The following WDPCP variants were observed in gnomAD, a reference collection of about 807,000 sequenced individuals.
WDPCP encodes the protein WD repeat containing planar cell polarity effector, also known as WD repeat-containing and planar cell polarity effector protein fritz homolog.
WDPCP carries 71 observed loss-of-function variants against 93.1 expected under a neutral mutation model. The observed-to-expected ratio is 0.76, with a 90% CI of 0.63 to 0.93. The LOEUF (loss-of-function observed/expected upper bound fraction) is 0.93, where lower values mean the gene tolerates loss of function less well. Ranked by LOEUF, WDPCP falls within the 40% of genes least tolerant of loss-of-function variation. The pLI is 0.00. For synonymous variants in WDPCP, 315 were observed against 315.0 expected (o/e 1.00, Z 0.00); for missense variants, 844 against 887.4 (o/e 0.95, Z 0.62).
chr2:63,751,296 T>G (rs987713145), intron 2 of WDPCP, among the ~76,000 whole-genome samples: 2 of 152,196 alleles, frequency 1.3e-5, no homozygotes, highest in Non-Finnish European at 2.9e-5. Flanking sequence ...GAGTTTATAG[T>G]GATAACCTCT....
intron 13 of WDPCP, among the ~76,000 whole-genome samples, chr2:63,299,064 T>C (rs1685119445): frequency 6.6e-6 from 1 of 151,768 alleles, no homozygotes; most frequent in South Asian, 2.1e-4. Context: ...ATCCACATGG[T>C]AGACTGTTAC....
upstream of WDPCP, chr2:63,589,000 G>C (rs918741289): frequency 6.2e-7 from 1 of 1,614,164 alleles, no homozygotes. Flanking sequence ...GACTCTCTGA[G>C]GCTCATTTTG....
intron 12 of WDPCP, among the ~76,000 whole-genome samples, chr2:63,325,534 C>CT (rs1470201911): frequency 2.0e-5 from 3 of 152,214 alleles, no homozygotes; most frequent in Non-Finnish European, 4.4e-5. Context: ...GTGTGGCCTT[C>CT]TCAGTGTTAA....
At chr2:63,423,347 T>G (rs1468053073) in intron 9 of WDPCP, among the ~76,000 whole-genome samples, 3 of 152,224 alleles carry the variant, frequency 2.0e-5, no homozygotes, top group African/African-American at 7.2e-5. Flanking sequence ...TTGGATGCAT[T>G]TATAATGCCT....
At chr2:63,701,751 G>A (rs1669051352) in intron 2 of WDPCP, among the ~76,000 whole-genome samples, 1 of 152,180 alleles carries the variant, frequency 6.6e-6, no homozygotes, top group Admixed American at 6.5e-5. Flanking sequence ...GCCAAGCACA[G>A]AAAGACAAAT....
chr2:63,267,924 TA>T (rs1242464535), intron 13 of WDPCP, among the ~76,000 whole-genome samples: 1 of 151,896 alleles, frequency 6.6e-6, no homozygotes, highest in Non-Finnish European at 1.5e-5. Context: ...GGAGGTTTCT[TA>T]AAAAAAACTA....
chr2:63,221,667 G>A (rs764009983), intron 14 of WDPCP, among the ~76,000 whole-genome samples: 1 of 152,168 alleles, frequency 6.6e-6, no homozygotes, highest in Non-Finnish European at 1.5e-5. Context: ...AGAACCAGGT[G>A]TATTGGTAGA....
rs150477116 is a variant in WDPCP, at chr2:63,662,455, C to T, written n.309-11617G>A. Among the ~76,000 whole-genome samples the T allele has an allele frequency of 1.9e-3, 293 of 152,218 alleles. 3 individuals are homozygous for T. Among genetic ancestry groups the T allele is most frequent in the African/African-American group, 6.5e-3 (269 of 41,526 alleles). On this transcript the variant is annotated intron_variant and non_coding_transcript_variant, in intron 2 of 4. Coordinates refer to the WDPCP transcript ENST00000467687. ...AACACGAGATTTCTGGATCAGAGAA[C>T]ATACCATTCATTATTCACACAGTAT...
At chr2:63,588,799 T>C (rs1575715103), upstream of WDPCP, 2 of 549,628 alleles carry the variant, frequency 3.6e-6, no homozygotes, top group East Asian at 6.4e-5. Context: ...CAGAGCGCAG[T>C]GAGAAGAGCT....
intron 17 of WDPCP, among the ~76,000 whole-genome samples, chr2:63,152,152 C>A (rs1671928185): frequency 1.3e-5 from 2 of 151,556 alleles, no homozygotes; most frequent in Non-Finnish European, 2.9e-5. Flanking sequence ...TATTATACAC[C>A]TTTTATTTTT....
rs1558793287 is a variant in WDPCP, at chr2:63,550,226, CACACACACACACA to C, written c.75+37958_75+37970del. 2.7e-3 allele frequency among the ~76,000 whole-genome samples: 414 copies of C among 150,694 alleles called. 2 individuals are homozygous for C. The highest frequency in any genetic ancestry group is 4.8e-3 in the South Asian group (23 of 4,772). On this transcript the variant is annotated intron_variant, in intron 1 of 17. Coordinates refer to ENST00000272321, the MANE Select transcript of WDPCP (RefSeq NM_015910.7). ...ACACACACACACACACACACACACA[CACACACACACACA>C]CCCTTCCTCTAATTCCAATGACCAC...
At chr2:63,515,157 A>G (rs1321217319) in intron 1 of WDPCP, among the ~76,000 whole-genome samples, 1 of 152,168 alleles carries the variant, frequency 6.6e-6, no homozygotes, top group Admixed American at 6.5e-5. Flanking sequence ...ATTTTAATAT[A>G]TTTATAAATT....
intron 3 of WDPCP, among the ~76,000 whole-genome samples, chr2:63,619,666 G>A (rs1024215159): frequency 6.6e-5 from 10 of 152,146 alleles, no homozygotes; most frequent in Non-Finnish European, 1.0e-4. Flanking sequence ...AATTATTATC[G>A]ATTTCAAATA....
At chr2:63,203,762 A>G (rs758133213) in intron 14 of WDPCP, among the ~76,000 whole-genome samples, 1 of 152,066 alleles carries the variant, frequency 6.6e-6, no homozygotes, top group Non-Finnish European at 1.5e-5. Flanking sequence ...TCATCCTTCT[A>G]CTCTCTCTGA....
chr2:63,190,940 T>C (rs1363152199), intron 14 of WDPCP, among the ~76,000 whole-genome samples: 1 of 152,222 alleles, frequency 6.6e-6, no homozygotes, highest in Non-Finnish European at 1.5e-5. Flanking sequence ...ATTGGGTAAA[T>C]TTGAATTATT....
Position 63,340,046 on chromosome 2 carries a change from TTC to T in WDPCP, c.1749-26737_1749-26736del, listed in dbSNP as rs201452466. Among the ~76,000 whole-genome samples, 91 of 152,328 alleles carry T rather than the reference TTC, an allele frequency of 6.0e-4. No homozygotes were observed. In the East Asian group the frequency reaches 0.015, roughly 26 times the overall value. On this transcript the variant is annotated intron_variant, in intron 12 of 17. Coordinates refer to ENST00000272321, the MANE Select transcript of WDPCP (RefSeq NM_015910.7). ...CTTAGTCCTTTTGGGAAGCTCATGG[TTC>T]TCTTTGTTGGTGTTTCTTACGGGTA...
rs986339862 is a variant in WDPCP at position 63,158,464 on chromosome 2, C to G, written c.2079-4890G>C. Among the ~76,000 whole-genome samples the G allele has an allele frequency of 3.3e-5, 5 of 152,240 alleles. 1 individual carries two copies. The highest frequency in any genetic ancestry group is 7.4e-5 in the Non-Finnish European group (5 of 67,998). The stretch of plus-strand genomic sequence containing the variant: ...CTTGATAAATTGGCTCTTTTATCAT[C>G]TTTTCCTTCTTTGCTGGTGTCCCAA... On this transcript the variant is annotated intron_variant, in intron 15 of 17. Transcript: ENST00000272321.
chr2:63,666,170 A>G (rs1710280455), intron 2 of WDPCP, among the ~76,000 whole-genome samples: 1 of 152,236 alleles, frequency 6.6e-6, no homozygotes, highest in Admixed American at 6.5e-5. Context: ...AATGAGTAAT[A>G]GAACACTTCA....
chr2:63,125,277 C>G (rs889827737), intron 17 of WDPCP, among the ~76,000 whole-genome samples: 2 of 152,300 alleles, frequency 1.3e-5, no homozygotes, highest in Admixed American at 6.5e-5. Context: ...TTTCTAACTT[C>G]TGTGTTAAGT....
Sources: allele counts gnomAD v4.1 joint callset (sites outside exome capture counted in the v4.1 genomes callset), GRCh38; gene constraint gnomAD v4.1.1; transcripts MANE v1.5; gene names NCBI Gene and HGNC (gene_info 2026-07-23, HGNC 2026-07-21).